Variants in ITGB8 observed in about 807,000 individuals in gnomAD.
ITGB8 encodes the protein integrin subunit beta 8, also known as integrin beta-8.
Under a neutral mutation model 89.5 loss-of-function variants are expected in ITGB8, and 30 were observed. The observed-to-expected ratio is 0.34, with a 90% CI of 0.25 to 0.45. The LOEUF (loss-of-function observed/expected upper bound fraction) is 0.45, where lower values mean the gene tolerates loss of function less well. Ranked by LOEUF, ITGB8 falls within the 20% of genes least tolerant of loss-of-function variation. The pLI, the probability that ITGB8 is intolerant of heterozygous loss-of-function variation, is 1.00. For missense variants in ITGB8, 836 were observed against 933.3 expected (o/e 0.90, Z 1.36); for synonymous variants, 335 against 320.4 (o/e 1.05, Z -0.49).
chr7:20,412,652 G>A lies in ITGB8; in HGVS notation c.*2655G>A, dbSNP rs932776493. 2.0e-5 allele frequency: 3 copies of A among 152,598 alleles called. No homozygotes were observed. Among genetic ancestry groups the A allele is most frequent in the African/African-American group, 7.2e-5 (3 of 41,436 alleles). The allele number at this position is 152,598 out of a possible 1,614,324, so 9.5% of individuals were successfully genotyped here. Reference sequence around the variant, plus strand: ...GGCAACTCAGTGTTAGACGATGATTGTGGTTATGCTTGCAAAGTCTTGTGC... The same window carrying A: ...GGCAACTCAGTGTTAGACGATGATTATGGTTATGCTTGCAAAGTCTTGTGC... On this transcript the variant is annotated 3_prime_UTR_variant, in exon 14 of 14. Transcript: ENST00000222573.
chr7:20,360,997 A>G (rs1164861320), intron 1 of ITGB8, among the ~76,000 whole-genome samples: 1 of 129,786 alleles, frequency 7.7e-6, no homozygotes, highest in Non-Finnish European at 1.6e-5. Context: ...TTTTTTTTTC[A>G]CAACCTTGCC....
Position 20,412,543 on chromosome 7 carries a change from TA to T in ITGB8, c.*2547del, listed in dbSNP as rs1195124887. The stretch of plus-strand genomic sequence containing the variant: ...GAAATCCTTAAAAATCCAGAGTTTA[TA>T]TTTTTTTTATACCCTCACTTGTTTG... On this transcript the variant is annotated 3_prime_UTR_variant, in exon 14 of 14. Transcript: ENST00000222573. The T allele has an allele frequency of 1.3e-5, 2 of 152,636 alleles. No homozygotes were observed. The highest frequency in any genetic ancestry group is 4.8e-5 in the African/African-American group (2 of 41,458). 9.5% of individuals were successfully genotyped at this position (152,636 alleles called of 1,614,324 possible). A position where few individuals can be genotyped will look rare whatever the true frequency, so the allele number is the denominator to read the frequency against.
chr7:20,390,112 A>G (rs2189300), intron 6 of ITGB8, among the ~76,000 whole-genome samples: 120,422 of 152,030 alleles, frequency 0.79, 47,961 homozygotes, highest in Middle Eastern at 0.88. Context: ...GTCACAATAC[A>G]GAAATGTTTA....
At chr7:20,350,047 C>A (rs907435354) in intron 1 of ITGB8, among the ~76,000 whole-genome samples, 2 of 152,190 alleles carry the variant, frequency 1.3e-5, no homozygotes, top group African/African-American at 4.8e-5. Flanking sequence ...AGGGAATAAT[C>A]AGTCTGCATT....
Position 20,363,619 on chromosome 7 carries a change from T to C in ITGB8, c.128-18T>C. 2 of 1,491,662 alleles carry C rather than the reference T, an allele frequency of 1.3e-6. No individual in the cohort carries two copies. Among genetic ancestry groups the C allele is most frequent in the Non-Finnish European group, 1.8e-6 (2 of 1,099,746 alleles). 92.4% of individuals were successfully genotyped at this position (1,491,662 alleles called of 1,614,324 possible). ...CTATTTTGAGAGTAAATTATAACTG[T>C]TTTCTCCTTCATTGCAGAAGACAAT... On this transcript the variant is annotated intron_variant, in intron 1 of 13. Transcript: ENST00000222573.
At chr7:20,380,902 C>A in intron 5 of ITGB8, 71 bp downstream of exon 5, 1 of 1,339,962 alleles carries the variant, frequency 7.5e-7, no homozygotes, top group Non-Finnish European at 1.0e-6. Context: ...GTTTTATTTT[C>A]TCTTTGATTT....
intron 2 of ITGB8, 44 bp from the exon 3 acceptor site, chr7:20,366,968 T>G: frequency 2.2e-6 from 3 of 1,369,190 alleles, no homozygotes; most frequent in Middle Eastern, 1.8e-4. Context: ...TGGATGTAAT[T>G]GATATACACT....
chr7:20,346,783 C>T (rs991321940), intron 1 of ITGB8: 8 of 985,232 alleles, frequency 8.1e-6, no homozygotes, highest in African/African-American at 5.2e-5. Context: ...GGGGGCTCCA[C>T]AGGCAGAGAG....
intron 2 of ITGB8, 152 bp from the exon 3 acceptor site, chr7:20,366,860 T>G (rs983818930): frequency 1.8e-6 from 1 of 569,276 alleles, no homozygotes; most frequent in Non-Finnish European, 3.0e-6. Context: ...GGATTTTTGC[T>G]TGTGTTTTTC....
chr7:20,412,611 G>C lies in ITGB8; in HGVS notation c.*2614G>C. On this transcript the variant is annotated 3_prime_UTR_variant, in exon 14 of 14. Coordinates refer to ENST00000222573, the MANE Select transcript of ITGB8 (RefSeq NM_002214.3). ...GACCAAGGCTGTTACCATAGGAAGG[G>C]ACAAACTTCCTTGTAGGCAACTCAG... is the stretch of plus-strand genomic sequence containing the variant. 6.6e-6 allele frequency: 1 copy of C among 152,554 alleles called. No homozygotes were observed. Among genetic ancestry groups the C allele is most frequent in the Non-Finnish European group, 1.5e-5 (1 of 68,018 alleles). The allele number at this position is 152,554 out of a possible 1,614,324, so 9.5% of individuals were successfully genotyped here. A position where few individuals can be genotyped will look rare whatever the true frequency, so the allele number is the denominator to read the frequency against.
At position 20,404,637 on chromosome 7, in the gene ITGB8, A is replaced by G; in HGVS notation, c.1697A>G (p.Glu566Gly). 6.2e-7 allele frequency: 1 copy of G among 1,613,650 alleles called. No homozygotes were observed. The highest frequency in any genetic ancestry group is 8.5e-7 in the Non-Finnish European group (1 of 1,179,764). The change falls in exon 11 of 14, where the codon GAG becomes GGG. Residue 566 changes from glutamate (E) to glycine (G), a missense_variant. Coordinates refer to ENST00000222573, the MANE Select transcript of ITGB8 (RefSeq NM_002214.3). ...HHGNLCAGHG[E>G]CEAGRCQCFS... ...GGTGTCTTCCTCACAGGGCATGGAG[A>G]GTGTGAAGCAGGCAGATGCCAATGC...
At chr7:20,407,561 C>A (rs537363642) in intron 12 of ITGB8, among the ~76,000 whole-genome samples, 1 of 152,138 alleles carries the variant, frequency 6.6e-6, no homozygotes, top group Non-Finnish European at 1.5e-5. Flanking sequence ...AAAGAGTAAA[C>A]TTTCTCCAGA....
At position 20,394,998 on chromosome 7, in the gene ITGB8, T is replaced by A. The variant is rs754384527; in HGVS notation, c.1146+13T>A. On this transcript the variant is annotated intron_variant, in intron 8 of 13. Transcript: ENST00000222573. ...GGAAGCCTATCAGGTATGTATATATTAGATACAATTTTTTAAATAAAATTT... is the reference window on the plus strand; with the variant it reads ...GGAAGCCTATCAGGTATGTATATATAAGATACAATTTTTTAAATAAAATTT... 4.0e-6 allele frequency: 6 copies of A among 1,497,360 alleles called. No individual in the cohort carries two copies. The South Asian group carries it at 6.9e-5, about 17-fold the overall frequency. 92.8% of individuals were successfully genotyped at this position (1,497,360 alleles called of 1,614,324 possible).
intron 8 of ITGB8, among the ~76,000 whole-genome samples, chr7:20,396,389 C>G (rs1787079431): frequency 6.6e-6 from 1 of 151,116 alleles, no homozygotes; most frequent in Admixed American, 6.6e-5. Flanking sequence ...GCCGAGATTG[C>G]GCCACTGCAC....
Position 20,379,331 on chromosome 7 carries a change from A to G in ITGB8, c.635+34A>G, listed in dbSNP as rs748107947. On this transcript the variant is annotated intron_variant, in intron 4 of 13. Coordinates refer to ENST00000222573, the MANE Select transcript of ITGB8 (RefSeq NM_002214.3). ...GGTTTGATGTGGATATGCTAAATTA[A>G]TTTTTTGCTTATAAAATCTCACTTT... 2.2e-6 allele frequency: 3 copies of G among 1,394,358 alleles called. No individual in the cohort carries two copies. In the Admixed American group the frequency reaches 8.1e-5, roughly 38 times the overall value. 86.4% of individuals were successfully genotyped at this position (1,394,358 alleles called of 1,614,324 possible).
At chr7:20,397,779 C>A (rs118038783) in intron 8 of ITGB8, among the ~76,000 whole-genome samples, 1 of 152,106 alleles carries the variant, frequency 6.6e-6, no homozygotes, top group African/African-American at 2.4e-5. Flanking sequence ...TCTAAAGATA[C>A]GCTACCAGAA....
Position 20,366,302 on chromosome 7 carries a change from G to A in ITGB8, c.214-710G>A, listed in dbSNP as rs1238635343. 7 of 152,194 alleles carry A rather than the reference G, an allele frequency of 4.6e-5. No homozygotes were observed. The South Asian group carries it at 1.2e-3, about 27-fold the overall frequency. 9.4% of individuals were successfully genotyped at this position (152,194 alleles called of 1,614,324 possible). A position where few individuals can be genotyped will look rare whatever the true frequency, so the allele number is the denominator to read the frequency against. Reference sequence around the variant, plus strand: ...ATAGTTATACTTTCACAGCATATATGATAGGAAAAGTTTCACTGTCAAAGG... The same window carrying A: ...ATAGTTATACTTTCACAGCATATATAATAGGAAAAGTTTCACTGTCAAAGG... On this transcript the variant is annotated intron_variant, in intron 2 of 13. Coordinates refer to ENST00000222573, the MANE Select transcript of ITGB8 (RefSeq NM_002214.3).
At chr7:20,349,106 T>TCTTA (rs1368095660) in intron 1 of ITGB8, among the ~76,000 whole-genome samples, 1 of 152,152 alleles carries the variant, frequency 6.6e-6, no homozygotes, top group Non-Finnish European at 1.5e-5. Flanking sequence ...TATTAAAGTA[T>TCTTA]TACGGAAGAT....
chr7:20,385,222 T>C (rs1291717053), intron 6 of ITGB8, among the ~76,000 whole-genome samples: 1 of 152,208 alleles, frequency 6.6e-6, no homozygotes, highest in South Asian at 2.1e-4. Context: ...GGAACAAGTA[T>C]GTGGAGGTCA....
Sources: allele counts gnomAD v4.1 joint callset (sites outside exome capture counted in the v4.1 genomes callset), GRCh38; gene constraint gnomAD v4.1.1; transcripts MANE v1.5; gene names NCBI Gene and HGNC (gene_info 2026-07-23, HGNC 2026-07-21).